GHR: variants seen among roughly 807,000 people sequenced by gnomAD.
GHR encodes GH receptor.
GHR carries 35 observed loss-of-function variants against 67.1 expected under a neutral mutation model. The ratio of observed to expected loss-of-function variants is 0.52; its 90% CI spans 0.40 to 0.69. The LOEUF (loss-of-function observed/expected upper bound fraction) is 0.69, where lower values mean the gene tolerates loss of function less well. Among genes scored for constraint, GHR ranks in the 30% least tolerant of loss-of-function variants. GHR has a pLI of 0.00. For synonymous variants in GHR, 272 were observed against 269.1 expected (o/e 1.01, Z -0.10); for missense variants, 792 against 764.6 (o/e 1.04, Z -0.42).
intron 3 of GHR, among the ~76,000 whole-genome samples, chr5:42,672,997 T>C (rs1756392761): frequency 6.6e-6 from 1 of 152,004 alleles, no homozygotes; most frequent in African/African-American, 2.4e-5. Context: ...TGGGTGAAAA[T>C]CTTCACAAAC....
intron 1 of GHR, among the ~76,000 whole-genome samples, chr5:42,524,162 G>A (rs1747598268): frequency 6.6e-6 from 1 of 152,176 alleles, no homozygotes; most frequent in Admixed American, 6.5e-5. Context: ...GAGTTTGGAA[G>A]AGTTTGGAGG....
rs1286078193 is a variant in GHR at position 42,424,123 on chromosome 5, CCTT to C, written c.-12+169_-12+171del. Among the ~76,000 whole-genome samples, 6 of 150,772 alleles carry C rather than the reference CCTT, an allele frequency of 4.0e-5. No individual in the cohort carries two copies. Among genetic ancestry groups the C allele is most frequent in the African/African-American group, 1.5e-4 (6 of 40,882 alleles). The stretch of plus-strand genomic sequence containing the variant: ...GATGACTTGGCTGTGCTCCCCTCCT[CCTT>C]GCGAAGAAGTTGTTTTCTGCTGGTG... On this transcript the variant is annotated intron_variant, in intron 1 of 9. Coordinates refer to ENST00000230882, the MANE Select transcript of GHR (RefSeq NM_000163.5). This position sits in a 1 kb window ranked among gnomAD's most constrained non-coding sequence, Gnocchi z 4.1.
chr5:42,647,574 CAAAAAA>C, intron 3 of GHR: 3 of 325,010 alleles, frequency 9.2e-6, no homozygotes, highest in South Asian at 2.2e-5. Context: ...ACTGCGTCTC[CAAAAAA>C]AAAAAAAAAA....
intron 3 of GHR, among the ~76,000 whole-genome samples, chr5:42,652,695 T>G (rs1755068932): frequency 6.6e-6 from 1 of 152,150 alleles, no homozygotes; most frequent in Non-Finnish European, 1.5e-5. Flanking sequence ...CTGAGCACTT[T>G]ACATATTTTA....
intron 1 of GHR, among the ~76,000 whole-genome samples, chr5:42,479,880 A>G (rs1178381310): frequency 3.3e-5 from 5 of 151,442 alleles, no homozygotes; most frequent in African/African-American, 1.2e-4. Flanking sequence ...TTGTGTCTCT[A>G]TTTCCTTCAG....
At chr5:42,448,000 G>A (rs763987025) in intron 1 of GHR, among the ~76,000 whole-genome samples, 6 of 151,928 alleles carry the variant, frequency 3.9e-5, no homozygotes, top group Non-Finnish European at 7.4e-5. Context: ...GACCTCCAGT[G>A]ATCCACCCAC....
At chr5:42,447,720 CCTCT>C (rs979267435) in intron 1 of GHR, among the ~76,000 whole-genome samples, 4 of 140,176 alleles carry the variant, frequency 2.9e-5, no homozygotes, top group African/African-American at 8.2e-5. Flanking sequence ...TCCCTCCCTC[CCTCT>C]CTCTCTCTTT....
rs112191947 is a variant in GHR, at chr5:42,513,010, G to A, written c.-11-52854G>A. On this transcript the variant is annotated intron_variant, in intron 1 of 9. Coordinates refer to ENST00000230882, the MANE Select transcript of GHR (RefSeq NM_000163.5). ...TTTTTAAAGGGGTCAGAGAAATAAG[G>A]TTGAATTAGAGAGATTCTTAGAAGT... Among the ~76,000 whole-genome samples, 693 of 152,204 alleles carry A rather than the reference G, an allele frequency of 4.6e-3. 9 individuals are homozygous for A. Among genetic ancestry groups the A allele is most frequent in the Middle Eastern group, 0.017 (5 of 294 alleles).
intron 1 of GHR, among the ~76,000 whole-genome samples, chr5:42,462,731 T>C (rs1291141640): frequency 6.6e-6 from 1 of 152,042 alleles, no homozygotes; most frequent in African/African-American, 2.4e-5. Context: ...GATATGTGTA[T>C]CTAGGGAGGT....
At chr5:42,477,124 C>A (rs1224115307) in intron 1 of GHR, among the ~76,000 whole-genome samples, 1 of 147,768 alleles carries the variant, frequency 6.8e-6, no homozygotes, top group Non-Finnish European at 1.5e-5. Context: ...TGAGTGAGAA[C>A]ATGCGGTGTT....
intron 1 of GHR, among the ~76,000 whole-genome samples, chr5:42,438,739 T>A (rs1298810164): frequency 1.3e-5 from 2 of 152,090 alleles, no homozygotes; most frequent in Admixed American, 1.3e-4. Flanking sequence ...GACCCCCTAG[T>A]GAACCACAGC....
intron 2 of GHR, among the ~76,000 whole-genome samples, chr5:42,593,487 T>A (rs1179678218): frequency 6.6e-6 from 1 of 152,206 alleles, no homozygotes; most frequent in Non-Finnish European, 1.5e-5. Context: ...AAGGTCCCTG[T>A]GCTGATCAGT....
chr5:42,544,520 A>T (rs1006310560), intron 1 of GHR, among the ~76,000 whole-genome samples: 1 of 152,198 alleles, frequency 6.6e-6, no homozygotes, highest in African/African-American at 2.4e-5. Context: ...TGCTTCTGTG[A>T]ATCAACCATT....
At chr5:42,634,130 T>C (rs1298507885) in intron 3 of GHR, among the ~76,000 whole-genome samples, 2 of 151,244 alleles carry the variant, frequency 1.3e-5, no homozygotes, top group African/African-American at 4.9e-5. Context: ...CTCTTTGTCT[T>C]TTTTTTTTCA....
intron 3 of GHR, among the ~76,000 whole-genome samples, chr5:42,653,025 A>G (rs937357174): frequency 2.6e-5 from 4 of 152,148 alleles, no homozygotes; most frequent in African/African-American, 9.7e-5. Context: ...CAAAAGGATT[A>G]CGATCAACCC....
chr5:42,520,642 T>C (rs1377239449), intron 1 of GHR, among the ~76,000 whole-genome samples: 6 of 152,162 alleles, frequency 3.9e-5, no homozygotes, highest in Non-Finnish European at 8.8e-5. Flanking sequence ...AATGGGTACT[T>C]TTTTTGTCCC....
intron 1 of GHR, among the ~76,000 whole-genome samples, chr5:42,460,145 G>T (rs553579225): frequency 1.3e-5 from 2 of 152,296 alleles, no homozygotes; most frequent in East Asian, 3.9e-4. Context: ...ATGGTGAGGA[G>T]TGGCCATCTG....
intron 1 of GHR, chr5:42,468,152 C>T: frequency 1.5e-6 from 2 of 1,302,272 alleles, no homozygotes; most frequent in South Asian, 2.4e-5. Context: ...TCTTCTGATC[C>T]ATCAAGGCCT....
At chr5:42,431,215 C>A (rs2111893849) in intron 1 of GHR, among the ~76,000 whole-genome samples, 1 of 152,192 alleles carries the variant, frequency 6.6e-6, no homozygotes, top group East Asian at 1.9e-4. Context: ...AAAATTTTAT[C>A]AAAACCATGC....
Sources: allele counts gnomAD v4.1 joint callset (sites outside exome capture counted in the v4.1 genomes callset), GRCh38; gene constraint gnomAD v4.1.1; non-coding constraint Gnocchi (gnomAD v3.1); transcripts MANE v1.5; gene names NCBI Gene and HGNC (gene_info 2026-07-23, HGNC 2026-07-21).